THRB: variants seen among roughly 807,000 people sequenced by gnomAD.
THRB encodes nuclear receptor subfamily 1 group A member 2.
A neutral mutation model predicts 47.8 loss-of-function variants in THRB; 12 were observed. That is an observed-to-expected ratio of 0.25 (90% confidence interval 0.16 to 0.41). THRB has a LOEUF of 0.41. Among genes scored for constraint, THRB ranks in the 10% least tolerant of loss-of-function variants. The probability of loss-of-function intolerance (pLI) is 1.00; values close to 1 mark genes in which losing one functional copy is unlikely to be tolerated. For missense variants in THRB, 348 were observed against 589.2 expected, an observed-to-expected ratio of 0.59 and a Z score of 4.24; for synonymous variants, 218 against 212.2, an observed-to-expected ratio of 1.03 and a Z score of -0.24.
chr3:24,194,684 A>C (rs185618952), intron 4 of THRB, among the ~76,000 whole-genome samples: 11 of 152,334 alleles, frequency 7.2e-5, no homozygotes, highest in Admixed American at 6.5e-4. Context: ...TGCAAAAGAG[A>C]AACAAACATA....
At chr3:24,286,654 A>G (rs965675663) in intron 3 of THRB, among the ~76,000 whole-genome samples, 1 of 152,212 alleles carries the variant, frequency 6.6e-6, no homozygotes, top group Admixed American at 6.5e-5. Context: ...GCATTTCACT[A>G]GCAGCTTTGT....
chr3:24,233,604 A>AAAGAAAGAAAGG (rs2048544847), intron 3 of THRB, among the ~76,000 whole-genome samples: 1 of 151,512 alleles, frequency 6.6e-6, no homozygotes, highest in Non-Finnish European at 1.5e-5. Context: ...AGAAAGAAAG[A>AAAGAAAGAAAGG]AAGAAAGAAA....
intron 5 of THRB, among the ~76,000 whole-genome samples, chr3:24,169,594 TTAAG>T (rs2040149827): frequency 6.6e-6 from 1 of 151,388 alleles, no homozygotes; most frequent in Non-Finnish European, 1.5e-5. Flanking sequence ...ATTGTGAAGA[TTAAG>T]TGAGTTTATA....
chr3:24,296,054 A>G (rs574788901), intron 3 of THRB, among the ~76,000 whole-genome samples: 4 of 151,838 alleles, frequency 2.6e-5, no homozygotes, highest in Non-Finnish European at 5.9e-5. Context: ...CTCCTACCCC[A>G]AATTTCCACT....
At chr3:24,274,649 G>T (rs2150711869) in intron 3 of THRB, among the ~76,000 whole-genome samples, 1 of 151,648 alleles carries the variant, frequency 6.6e-6, no homozygotes, top group Admixed American at 6.6e-5. Flanking sequence ...CCTTATATAT[G>T]ACATACAAAG....
chr3:24,363,182 T>C (rs771767674), intron 1 of THRB, among the ~76,000 whole-genome samples: 5 of 152,064 alleles, frequency 3.3e-5, no homozygotes, highest in Non-Finnish European at 7.4e-5. Context: ...TGGGGGTAAA[T>C]AAGTCAAAGG....
At chr3:24,434,759 GA>G (rs533434837) in intron 1 of THRB, among the ~76,000 whole-genome samples, 125 of 152,222 alleles carry the variant, frequency 8.2e-4, no homozygotes, top group African/African-American at 2.8e-3. Context: ...ACATTTTGGG[GA>G]AAAAGAATGA....
At chr3:24,417,323 A>G (rs1452367041) in intron 1 of THRB, among the ~76,000 whole-genome samples, 2 of 152,034 alleles carry the variant, frequency 1.3e-5, no homozygotes, top group East Asian at 3.9e-4. Context: ...GTGCCACAAT[A>G]CACTGTTCCT....
intron 4 of THRB, among the ~76,000 whole-genome samples, chr3:24,192,546 A>C (rs1451514678): frequency 6.6e-6 from 1 of 152,160 alleles, no homozygotes; most frequent in African/African-American, 2.4e-5. Context: ...GACCCCACAG[A>C]AATTAAGAAA....
intron 1 of THRB, among the ~76,000 whole-genome samples, chr3:24,453,516 A>T (rs1160531882): frequency 2.6e-5 from 4 of 152,144 alleles, no homozygotes; most frequent in Non-Finnish European, 5.9e-5. Flanking sequence ...GATTTTAGTC[A>T]TTGCTCACTC....
chr3:24,240,851 T>C, intron 3 of THRB, among the ~76,000 whole-genome samples: 1 of 150,100 alleles, frequency 6.7e-6, no homozygotes, highest in East Asian at 1.9e-4. Context: ...ACCAGCCTGA[T>C]CCATTTAAGA....
chr3:24,144,961 C>T (rs1049574630), intron 7 of THRB: 1 of 151,554 alleles, frequency 6.6e-6, no homozygotes, highest in Non-Finnish European at 1.5e-5. Context: ...TAGCTAGTCT[C>T]CCATTTAAAT....
chr3:24,350,584 T>A (rs2063303017), intron 1 of THRB, among the ~76,000 whole-genome samples: 2 of 152,180 alleles, frequency 1.3e-5, no homozygotes, highest in African/African-American at 4.8e-5. Flanking sequence ...GGCCATTATA[T>A]ACAGTTCAAA....
chr3:24,249,801 C>T (rs1016319580), intron 3 of THRB, among the ~76,000 whole-genome samples: 2 of 152,130 alleles, frequency 1.3e-5, no homozygotes, highest in African/African-American at 4.8e-5. Flanking sequence ...TGCTAATTAC[C>T]CTGGTCTGCA....
At chr3:24,461,548 G>C (rs1374016909) in intron 1 of THRB, among the ~76,000 whole-genome samples, 1 of 152,204 alleles carries the variant, frequency 6.6e-6, no homozygotes, top group African/African-American at 2.4e-5. Flanking sequence ...ATAAAATAGA[G>C]ATGTGGCTAA....
chr3:24,310,467 C>G (rs1277864828), intron 2 of THRB, among the ~76,000 whole-genome samples: 2 of 152,212 alleles, frequency 1.3e-5, no homozygotes, highest in Non-Finnish European at 2.9e-5. Flanking sequence ...CAGTGATTCT[C>G]AAACTTCAGT....
chr3:24,325,582 G>T (rs1037569928), intron 2 of THRB, among the ~76,000 whole-genome samples: 1 of 152,302 alleles, frequency 6.6e-6, no homozygotes, highest in East Asian at 1.9e-4. Context: ...AGCTACTCAG[G>T]AGACTGAGGC....
chr3:24,192,493 A>AT (rs576562527), intron 4 of THRB, among the ~76,000 whole-genome samples: 29 of 152,268 alleles, frequency 1.9e-4, no homozygotes, highest in African/African-American at 6.3e-4. Context: ...TTAAGATGTG[A>AT]TTTTTCTGCA....
chr3:24,329,340 A>G (rs992853565), intron 2 of THRB, among the ~76,000 whole-genome samples: 2 of 152,108 alleles, frequency 1.3e-5, no homozygotes, highest in Non-Finnish European at 2.9e-5. Context: ...CCTCCTATAC[A>G]TTTACTGTTG....
Sources: allele counts gnomAD v4.1 joint callset (sites outside exome capture counted in the v4.1 genomes callset), GRCh38; gene constraint gnomAD v4.1.1; transcripts MANE v1.5; gene names NCBI Gene and HGNC (gene_info 2026-07-23, HGNC 2026-07-21).